The following TMPRSS15 variants were observed in gnomAD, a reference collection of about 807,000 sequenced individuals.
The protein encoded by TMPRSS15 is transmembrane serine protease 15, also known as enteropeptidase.
TMPRSS15 carries 128 observed loss-of-function variants against 125.3 expected under a neutral mutation model. The observed-to-expected ratio is 1.02, with a 90% CI of 0.89 to 1.18. TMPRSS15 has a LOEUF of 1.18. TMPRSS15 is among the 50% of genes most tolerant of loss of function. The pLI, the probability that TMPRSS15 is intolerant of heterozygous loss-of-function variation, is 0.00. For missense variants in TMPRSS15, 1,283 were observed against 1,212.7 expected (o/e 1.06, Z -0.86); for synonymous variants, 446 against 423.2 (o/e 1.05, Z -0.66).
Position 18,447,469 on chromosome 21 carries a change from T to C in TMPRSS15, c.10+38330A>G, listed in dbSNP as rs533573336. Among the ~76,000 whole-genome samples, 6 of 133,976 alleles carry C rather than the reference T, an allele frequency of 4.5e-5. No homozygotes were observed. In the East Asian group the frequency reaches 1.3e-3, roughly 29 times the overall value. 87.9% of individuals were successfully genotyped at this position (133,976 alleles called of 152,430 possible). ...AAAAAAAAAAAAAAAGACATACAAA[T>C]GACAAACAAGTATATTAAAAATGGT... is the stretch of plus-strand genomic sequence containing the variant. On this transcript the variant is annotated intron_variant, in intron 1 of 7. Transcript: ENST00000422787.
At chr21:18,429,578 T>C (rs1422699865) in intron 1 of TMPRSS15, among the ~76,000 whole-genome samples, 1 of 152,186 alleles carries the variant, frequency 6.6e-6, no homozygotes, top group Non-Finnish European at 1.5e-5. Flanking sequence ...TTATCAGGGG[T>C]TTCCACTTTT....
intron 1 of TMPRSS15, among the ~76,000 whole-genome samples, chr21:18,478,579 C>G (rs566851851): frequency 1.4e-4 from 22 of 152,090 alleles, no homozygotes; most frequent in Non-Finnish European, 3.1e-4. Context: ...CACAAACATC[C>G]TCTGTTTCAG....
At chr21:18,282,335 C>T (rs1197488167) in intron 21 of TMPRSS15, among the ~76,000 whole-genome samples, 11 of 152,074 alleles carry the variant, frequency 7.2e-5, no homozygotes, top group Admixed American at 7.2e-4. Flanking sequence ...AAGGAATTAT[C>T]AGCTGGAATT....
At chr21:18,472,120 G>A (rs1191331176) in intron 1 of TMPRSS15, among the ~76,000 whole-genome samples, 1 of 150,046 alleles carries the variant, frequency 6.7e-6, no homozygotes, top group Non-Finnish European at 1.5e-5. Flanking sequence ...AATCAAGATG[G>A]AAAGTTTAGG....
chr21:18,334,626 A>C (rs1003213978), intron 13 of TMPRSS15, among the ~76,000 whole-genome samples: 11 of 152,190 alleles, frequency 7.2e-5, no homozygotes, highest in Non-Finnish European at 1.3e-4. Context: ...TGGATTGGGT[A>C]ATTACTATTA....
At chr21:18,290,501 GT>G (rs113258707) in intron 21 of TMPRSS15, among the ~76,000 whole-genome samples, 220 of 144,054 alleles carry the variant, frequency 1.5e-3, no homozygotes, top group East Asian at 0.012. Flanking sequence ...AAGCTTGAGG[GT>G]TTTTTTTTTT....
chr21:18,482,343 C>T (rs1978996198), intron 1 of TMPRSS15, among the ~76,000 whole-genome samples: 1 of 151,250 alleles, frequency 6.6e-6, no homozygotes, highest in South Asian at 2.1e-4. Flanking sequence ...AGCATGTAAT[C>T]TTAAAATTAT....
At chr21:18,440,416 T>C (rs1191993494) in intron 1 of TMPRSS15, among the ~76,000 whole-genome samples, 1 of 149,840 alleles carries the variant, frequency 6.7e-6, no homozygotes, top group Non-Finnish European at 1.5e-5. Flanking sequence ...TGTATTTTCA[T>C]TGGCATCAAT....
intron 18 of TMPRSS15, among the ~76,000 whole-genome samples, chr21:18,298,858 C>A (rs893346590): frequency 1.3e-5 from 2 of 152,190 alleles, no homozygotes; most frequent in African/African-American, 4.8e-5. Flanking sequence ...TTCCAGGGAA[C>A]TTCCAAGTAA....
intron 1 of TMPRSS15, among the ~76,000 whole-genome samples, chr21:18,412,510 C>T (rs1251971220): frequency 1.3e-5 from 2 of 152,168 alleles, no homozygotes; most frequent in Admixed American, 1.3e-4. Context: ...TAAAAATTTG[C>T]ATTTCATGTT....
chr21:18,343,621 C>G lies in TMPRSS15; in HGVS notation c.1313G>C (p.Ser438Thr), dbSNP rs762171433. The change falls in exon 12 of 25, where the codon AGC becomes ACC. Residue 438 changes from serine (S) to threonine (T), a missense_variant. By Grantham distance (58) the Ser-to-Thr change is moderately conservative. Transcript: ENST00000284885. ...HMYGENVHKLSINISNDQNME... is the reference protein window; with the variant it reads ...HMYGENVHKLTINISNDQNME... ...ATTTTGGTCATTGCTGATATTAATG[C>G]TTAATTTATGGACATTTTCACCATA... is the stretch of plus-strand genomic sequence containing the variant. 1.9e-6 allele frequency: 3 copies of G among 1,613,488 alleles called. No homozygotes were observed. In the African/African-American group the frequency reaches 4.0e-5, roughly 22 times the overall value.
intron 7 of TMPRSS15, among the ~76,000 whole-genome samples, chr21:18,362,486 C>A (rs1443312512): frequency 6.6e-6 from 1 of 152,118 alleles, no homozygotes; most frequent in Non-Finnish European, 1.5e-5. Flanking sequence ...CAAAAAAGTG[C>A]AGACGATTTT....
At chr21:18,294,242 G>A in intron 21 of TMPRSS15, 28 bp downstream of exon 21, 1 of 1,613,594 alleles carries the variant, frequency 6.2e-7, no homozygotes. Context: ...GACCTAGTTT[G>A]GGAAGGGACA....
chr21:18,362,983 T>C (rs1397337033), intron 7 of TMPRSS15, among the ~76,000 whole-genome samples: 1 of 152,166 alleles, frequency 6.6e-6, no homozygotes, highest in African/African-American at 2.4e-5. Context: ...GTATGCTAAC[T>C]GTGGTCTTAA....
chr21:18,338,887 T>C (rs2075420014), intron 13 of TMPRSS15, among the ~76,000 whole-genome samples: 1 of 152,170 alleles, frequency 6.6e-6, no homozygotes, highest in Non-Finnish European at 1.5e-5. Flanking sequence ...CACAATTTTA[T>C]GACCAATATT....
chr21:18,270,570 A>T (rs1601242799), intron 24 of TMPRSS15, among the ~76,000 whole-genome samples: 2 of 152,346 alleles, frequency 1.3e-5, no homozygotes, highest in East Asian at 3.9e-4. Context: ...ACTCACACAT[A>T]AAGTAGATTT....
chr21:18,437,587 G>T (rs1475206166), intron 1 of TMPRSS15, among the ~76,000 whole-genome samples: 1 of 152,028 alleles, frequency 6.6e-6, no homozygotes. Context: ...CTGACAAAGG[G>T]CTAATATCCA....
chr21:18,395,771 T>C (rs1283985022), intron 3 of TMPRSS15, among the ~76,000 whole-genome samples: 1 of 152,168 alleles, frequency 6.6e-6, no homozygotes, highest in Non-Finnish European at 1.5e-5. Flanking sequence ...AAAACTGTAA[T>C]AATTTCTATC....
chr21:18,358,036 T>C (rs898839674), intron 8 of TMPRSS15, among the ~76,000 whole-genome samples: 3 of 151,838 alleles, frequency 2.0e-5, no homozygotes, highest in Non-Finnish European at 4.4e-5. Flanking sequence ...TATTCATTGA[T>C]GTTTTCTGCT....
Sources: allele counts gnomAD v4.1 joint callset (sites outside exome capture counted in the v4.1 genomes callset), GRCh38; gene constraint gnomAD v4.1.1; transcripts MANE v1.5; gene names NCBI Gene and HGNC (gene_info 2026-07-23, HGNC 2026-07-21).